SERP2: variants seen among roughly 807,000 people sequenced by gnomAD.
SERP2 encodes the protein stress-associated endoplasmic reticulum protein 2.
SERP2 carries 6 observed loss-of-function variants against 9.1 expected under a neutral mutation model. The ratio of observed to expected loss-of-function variants is 0.66; its 90% confidence interval spans 0.36 to 1.30. SERP2 has a LOEUF of 1.30. Among genes scored for constraint, SERP2 ranks in the 50% most tolerant of loss-of-function variants. SERP2 has a pLI of 0.03. For synonymous variants in SERP2, 37 were observed against 27.3 expected (o/e 1.35, Z -1.10); for missense variants, 58 against 81.9 (o/e 0.71, Z 1.13).
chr13:44,394,861 T>G (rs1370381656), intron 2 of SERP2, among the ~76,000 whole-genome samples: 1 of 152,228 alleles, frequency 6.6e-6, no homozygotes, highest in Non-Finnish European at 1.5e-5. Flanking sequence ...TACCAGGCAG[T>G]GAGTCCTCCA....
chr13:44,379,309 T>G (rs1871830438), intron 1 of SERP2, among the ~76,000 whole-genome samples: 1 of 152,210 alleles, frequency 6.6e-6, no homozygotes, highest in Non-Finnish European at 1.5e-5. Flanking sequence ...AGAGCATTAC[T>G]CAGCAGATGG....
At chr13:44,397,218 G>C (rs1873163158) in intron 2 of SERP2, 54 bp from the exon 3 acceptor site, 2 of 1,542,452 alleles carry the variant, frequency 1.3e-6, no homozygotes, top group African/African-American at 2.7e-5. Flanking sequence ...TGTGGGCTGG[G>C]TTTCCAGCTG....
chr13:44,384,363 G>A (rs1199248879), intron 2 of SERP2, among the ~76,000 whole-genome samples: 4 of 152,098 alleles, frequency 2.6e-5, no homozygotes, highest in Non-Finnish European at 5.9e-5. Context: ...ACATTTAAAC[G>A]AATGTGCGGT....
chr13:44,381,664 C>T (rs1871987306), intron 2 of SERP2, among the ~76,000 whole-genome samples: 1 of 152,186 alleles, frequency 6.6e-6, no homozygotes, highest in African/African-American at 2.4e-5. Context: ...TTAATGTGAC[C>T]CAGGCTTGCA....
At chr13:44,388,717 T>C (rs1253437499) in intron 2 of SERP2, among the ~76,000 whole-genome samples, 1 of 152,194 alleles carries the variant, frequency 6.6e-6, no homozygotes, top group African/African-American at 2.4e-5. Context: ...CAGGTCCTTT[T>C]TCAGGACAGC....
At position 44,374,097 on chromosome 13, in the gene SERP2, A is replaced by G. The variant is rs1871474834; in HGVS notation, c.72A>G (p.Val24=). 1 of 1,470,744 alleles carries G rather than the reference A, an allele frequency of 6.8e-7. No homozygotes were observed. The highest frequency in any genetic ancestry group is 9.1e-7 in the Non-Finnish European group (1 of 1,098,320). 91.1% of individuals were successfully genotyped at this position (1,470,744 alleles called of 1,614,324 possible). The part of the protein sequence containing the change: ...HSKNITQRGN[V]AKTLRPQEEK... ...AAAACATCACCCAGAGGGGGAACGT[A>G]GCCAAAACCCTGGTAAGGCGGGGTC... The change falls in exon 1 of 3, where the codon GTA becomes GTG. Residue 24 remains valine, a synonymous_variant. Transcript: ENST00000379179.
intron 1 of SERP2, 25 bp downstream of exon 1, chr13:44,374,134 G>A (rs1262790307): frequency 2.4e-5 from 36 of 1,513,850 alleles, no homozygotes; most frequent in Non-Finnish European, 3.1e-5. Context: ...GCGCCGGCCA[G>A]GCAGAGCCCT....
intron 2 of SERP2, among the ~76,000 whole-genome samples, chr13:44,389,995 TGAGA>T (rs898569943): frequency 1.1e-4 from 16 of 152,108 alleles, no homozygotes; most frequent in African/African-American, 3.9e-4. Flanking sequence ...AGCTAAAAAG[TGAGA>T]GAGATAGTCC....
At chr13:44,383,541 T>TG (rs776743433) in intron 2 of SERP2, among the ~76,000 whole-genome samples, 21 of 76,352 alleles carry the variant, frequency 2.8e-4, no homozygotes, top group Middle Eastern at 5.2e-3. Context: ...TCTGGAGGTT[T>TG]GCGTTTTTTT....
At chr13:44,394,555 T>C (rs1288439645) in intron 2 of SERP2, among the ~76,000 whole-genome samples, 1 of 152,232 alleles carries the variant, frequency 6.6e-6, no homozygotes, top group Non-Finnish European at 1.5e-5. Context: ...ACACAGATGG[T>C]TTCCTATTTG....
intron 2 of SERP2, among the ~76,000 whole-genome samples, chr13:44,387,271 T>C (rs1872369829): frequency 1.3e-5 from 2 of 152,188 alleles, no homozygotes; most frequent in South Asian, 2.1e-4. Flanking sequence ...CTGGGCGTTT[T>C]CTTTTCCTTT....
chr13:44,379,388 T>C (rs1029340243), intron 1 of SERP2, among the ~76,000 whole-genome samples: 1 of 152,200 alleles, frequency 6.6e-6, no homozygotes, highest in Admixed American at 6.5e-5. Context: ...ACCATATCTG[T>C]CCCCAGAATA....
intron 2 of SERP2, 97 bp downstream of exon 2, chr13:44,379,810 G>A (rs961873733): frequency 8.9e-5 from 70 of 788,728 alleles, no homozygotes; most frequent in Non-Finnish European, 1.4e-4. Context: ...AAACATACTG[G>A]TATGGGATTC....
chr13:44,390,368 A>C (rs922865542), intron 2 of SERP2: 9 of 451,308 alleles, frequency 2.0e-5, no homozygotes, highest in African/African-American at 4.1e-5. Context: ...TCAACCACAT[A>C]AATTGGCCTC....
Position 44,380,558 on chromosome 13 carries a change from A to G in SERP2, c.157+845A>G, listed in dbSNP as rs147364968. ...TAAAATCATGAAAATTAAAAAAAAA[A>G]TTTAAGATGGATCAGTTCCTTTTAT... On this transcript the variant is annotated intron_variant, in intron 2 of 2. Coordinates refer to ENST00000379179, the MANE Select transcript of SERP2 (RefSeq NM_001010897.3). Among the ~76,000 whole-genome samples the G allele has an allele frequency of 8.5e-5, 13 of 152,294 alleles. No homozygotes were observed. The East Asian group carries it at 2.5e-3, about 29-fold the overall frequency.
At chr13:44,383,794 G>A (rs1019624688) in intron 2 of SERP2, among the ~76,000 whole-genome samples, 9 of 149,246 alleles carry the variant, frequency 6.0e-5, no homozygotes, top group Non-Finnish European at 1.2e-4. Context: ...CTCATGATCC[G>A]CCCACCTTGG....
At position 44,373,974 on chromosome 13, in the gene SERP2, GC is replaced by G; in HGVS notation, c.-51del. 1 of 1,507,348 alleles carries G rather than the reference GC, an allele frequency of 6.6e-7. No homozygotes were observed. The highest frequency in any genetic ancestry group is 9.0e-7 in the Non-Finnish European group (1 of 1,107,802). The allele number at this position is 1,507,348 out of a possible 1,614,324, so 93.4% of individuals were successfully genotyped here. A position where few individuals can be genotyped will look rare whatever the true frequency, so the allele number is the denominator to read the frequency against. ...GGACGCGCTCGGCCCTGTCGCAGGA[GC>G]TAACGCAGGGGGAATCCTTGCAGGT... On this transcript the variant is annotated 5_prime_UTR_variant, in exon 1 of 3. Transcript: ENST00000379179. This position sits in a 1 kb window ranked among gnomAD's most constrained non-coding sequence, Gnocchi z 4.8.
At chr13:44,375,799 C>T (rs1313394229) in intron 1 of SERP2, among the ~76,000 whole-genome samples, 3 of 152,224 alleles carry the variant, frequency 2.0e-5, no homozygotes, top group African/African-American at 7.2e-5. Context: ...GTTCTGTAGA[C>T]TCAGTGTCTG....
chr13:44,378,279 T>A (rs1871774186), intron 1 of SERP2, among the ~76,000 whole-genome samples: 1 of 152,332 alleles, frequency 6.6e-6, no homozygotes, highest in South Asian at 2.1e-4. Context: ...AGGAAGATTA[T>A]CCTTTTTTAA....
Sources: allele counts gnomAD v4.1 joint callset (sites outside exome capture counted in the v4.1 genomes callset), GRCh38; gene constraint gnomAD v4.1.1; non-coding constraint Gnocchi (gnomAD v3.1); transcripts MANE v1.5; gene names NCBI Gene and HGNC (gene_info 2026-07-23, HGNC 2026-07-21).